TBC1D22B: variants seen among roughly 807,000 people sequenced by gnomAD.
The protein encoded by TBC1D22B is chromosome 6 open reading frame 197.
TBC1D22B carries 32 observed loss-of-function variants against 69.1 expected under a neutral mutation model. That is an observed-to-expected ratio of 0.46 (90% confidence interval 0.35 to 0.62). The LOEUF is 0.62. TBC1D22B is among the 20% of genes least tolerant of loss of function. The probability of loss-of-function intolerance (pLI) is 0.00; values close to 1 mark genes in which losing one functional copy is unlikely to be tolerated. For missense variants in TBC1D22B, 462 were observed against 630.9 expected (o/e 0.73, Z 2.87); for synonymous variants, 206 against 229.8 (o/e 0.90, Z 0.94).
At chr6:37,297,725 A>C (rs1767427780) in intron 8 of TBC1D22B, among the ~76,000 whole-genome samples, 1 of 152,216 alleles carries the variant, frequency 6.6e-6, no homozygotes, top group Admixed American at 6.5e-5. Flanking sequence ...ACAACATTCT[A>C]CTGTAAAGAT....
chr6:37,286,860 C>G (rs1009871562), intron 6 of TBC1D22B, 147 bp from the exon 7 acceptor site: 125 of 633,182 alleles, frequency 2.0e-4, no homozygotes, highest in Non-Finnish European at 3.1e-4. Flanking sequence ...AGGAGAATCG[C>G]TTGAACCCTG....
chr6:37,266,706 G>T (rs984878097), intron 1 of TBC1D22B, among the ~76,000 whole-genome samples: 3 of 151,554 alleles, frequency 2.0e-5, no homozygotes, highest in Admixed American at 2.0e-4. Flanking sequence ...TAGGTGATCT[G>T]CCTGCTTTGG....
intron 10 of TBC1D22B, among the ~76,000 whole-genome samples, chr6:37,316,332 G>A (rs905113906): frequency 6.6e-6 from 1 of 152,200 alleles, no homozygotes; most frequent in East Asian, 1.9e-4. Flanking sequence ...CAGTAGGAGG[G>A]TGGCCAAGGT....
At chr6:37,259,627 G>A (rs1026444675) in intron 1 of TBC1D22B, among the ~76,000 whole-genome samples, 1 of 152,174 alleles carries the variant, frequency 6.6e-6, no homozygotes, top group African/African-American at 2.4e-5. Flanking sequence ...ACTTTTCTGA[G>A]ATAGGAAGAG....
chr6:37,262,016 GA>G (rs34575719), intron 1 of TBC1D22B, among the ~76,000 whole-genome samples: 1,009 of 84,630 alleles, frequency 0.012, 47 homozygotes, highest in Middle Eastern at 0.043. Flanking sequence ...GGGCACAGGA[GA>G]AAAAAAAAAT....
chr6:37,269,049 T>G (rs1343523534), intron 1 of TBC1D22B, among the ~76,000 whole-genome samples: 2 of 152,224 alleles, frequency 1.3e-5, no homozygotes, highest in Non-Finnish European at 2.9e-5. Flanking sequence ...TTTATCTTAA[T>G]ATGCATATTT....
chr6:37,327,144 G>T (rs1768431357), intron 12 of TBC1D22B, among the ~76,000 whole-genome samples: 1 of 151,804 alleles, frequency 6.6e-6, no homozygotes, highest in African/African-American at 2.4e-5. Flanking sequence ...GCATGGGGGT[G>T]GGGGCATGTA....
chr6:37,280,051 G>T (rs1006437182), intron 3 of TBC1D22B, among the ~76,000 whole-genome samples: 16 of 152,224 alleles, frequency 1.1e-4, no homozygotes, highest in African/African-American at 3.1e-4. Flanking sequence ...CTAGCATAAG[G>T]TTGTCTTTTC....
chr6:37,285,933 T>G (rs1277068779), intron 6 of TBC1D22B, among the ~76,000 whole-genome samples: 2 of 152,232 alleles, frequency 1.3e-5, no homozygotes, highest in Admixed American at 6.5e-5. Context: ...TCCCCGCTTC[T>G]TACACATCAT....
At chr6:37,299,112 A>T (rs1324326618) in intron 8 of TBC1D22B, among the ~76,000 whole-genome samples, 1 of 152,080 alleles carries the variant, frequency 6.6e-6, no homozygotes, top group Non-Finnish European at 1.5e-5. Context: ...AGTGTATTTC[A>T]CCTGTCTAGC....
At chr6:37,314,272 C>G (rs1456487816) in intron 10 of TBC1D22B, among the ~76,000 whole-genome samples, 1 of 152,192 alleles carries the variant, frequency 6.6e-6, no homozygotes, top group Non-Finnish European at 1.5e-5. Context: ...TTCTGCAGCT[C>G]TGTTCTGGCC....
intron 1 of TBC1D22B, chr6:37,258,224 C>T (rs1765900930): frequency 1.9e-6 from 1 of 531,732 alleles, no homozygotes; most frequent in Middle Eastern, 4.9e-4. Context: ...GGGAAGGTGG[C>T]CGAAGATTGG....
intron 8 of TBC1D22B, among the ~76,000 whole-genome samples, chr6:37,301,687 A>G (rs1420300815): frequency 6.6e-6 from 1 of 152,122 alleles, no homozygotes; most frequent in African/African-American, 2.4e-5. Context: ...CCCCACCCTC[A>G]CACCTTTCTT....
chr6:37,290,170 C>T (rs1248004032), intron 7 of TBC1D22B, among the ~76,000 whole-genome samples: 1 of 152,118 alleles, frequency 6.6e-6, no homozygotes, highest in Non-Finnish European at 1.5e-5. Context: ...GTTTTTCTGC[C>T]TTCCACCTGC....
intron 1 of TBC1D22B, among the ~76,000 whole-genome samples, chr6:37,259,831 G>A (rs1380064278): frequency 1.3e-5 from 2 of 152,230 alleles, no homozygotes; most frequent in East Asian, 1.9e-4. Context: ...TTTCCTCAGA[G>A]TTACTGTGGG....
At chr6:37,316,950 C>G (rs577596047) in intron 11 of TBC1D22B, 120 bp downstream of exon 11, 13 of 1,545,654 alleles carry the variant, frequency 8.4e-6, no homozygotes, top group Non-Finnish European at 1.1e-5. Flanking sequence ...ACTTCCATGT[C>G]TGCTTTAGCC....
chr6:37,309,362 C>G (rs1013655887), intron 8 of TBC1D22B, among the ~76,000 whole-genome samples: 1 of 152,212 alleles, frequency 6.6e-6, no homozygotes, highest in East Asian at 1.9e-4. Context: ...GGCTCTTGCT[C>G]TCTTTTTACC....
chr6:37,320,002 C>T (rs1297731254), intron 12 of TBC1D22B, among the ~76,000 whole-genome samples: 1 of 152,182 alleles, frequency 6.6e-6, no homozygotes, highest in Non-Finnish European at 1.5e-5. Flanking sequence ...CAAACATGTC[C>T]AGCCTAGGAG....
intron 8 of TBC1D22B, among the ~76,000 whole-genome samples, chr6:37,300,915 T>C (rs1392157609): frequency 6.6e-6 from 1 of 152,202 alleles, no homozygotes; most frequent in Non-Finnish European, 1.5e-5. Context: ...CTCTAGAACA[T>C]ATTCATCTTG....
Sources: gnomAD v4.1 joint callset for allele counts (sites outside exome capture counted in the v4.1 genomes callset) on GRCh38, gnomAD v4.1.1 for gene constraint, MANE v1.5 for transcripts, NCBI Gene and HGNC (gene_info 2026-07-23, HGNC 2026-07-21) for gene names.